DPP6: variants seen among roughly 807,000 people sequenced by gnomAD.
The protein encoded by DPP6 is dipeptidyl peptidase like 6.
Under a neutral mutation model 122.6 loss-of-function variants are expected in DPP6, and 69 were observed. The observed-to-expected ratio is 0.56, with a 90% CI of 0.46 to 0.69. DPP6 has a LOEUF of 0.69. DPP6 is among the 30% of genes least tolerant of loss of function. DPP6 has a pLI of 0.00. For synonymous variants in DPP6, 418 were observed against 433.1 expected, an observed-to-expected ratio of 0.97 and a Z score of 0.43; for missense variants, 928 against 1,116.9, an observed-to-expected ratio of 0.83 and a Z score of 2.41.
intron 4 of DPP6, among the ~76,000 whole-genome samples, chr7:154,548,247 G>T (rs571296110): frequency 6.6e-6 from 1 of 150,576 alleles, no homozygotes; most frequent in African/African-American, 2.4e-5. Context: ...CAGTAGATGA[G>T]TATTTATACT....
intron 1 of DPP6, among the ~76,000 whole-genome samples, chr7:154,195,998 A>T (rs555471926): frequency 6.6e-6 from 1 of 152,078 alleles, no homozygotes; most frequent in East Asian, 1.9e-4. Flanking sequence ...CACCTCATGT[A>T]CTCCTGTTGG....
chr7:154,733,077 G>A lies in DPP6; in HGVS notation c.883+5190G>A, dbSNP rs116723721. Among the ~76,000 whole-genome samples, 1,094 of 152,268 alleles carry A rather than the reference G, an allele frequency of 7.2e-3. 13 individuals carry two copies. The highest frequency in any genetic ancestry group is 0.025 in the African/African-American group (1,029 of 41,544). On this transcript the variant is annotated intron_variant, in intron 8 of 25. Coordinates refer to ENST00000377770, the MANE Select transcript of DPP6 (RefSeq NM_130797.4). ...TCACAGCCCTTGCCACAGTCCCCAC[G>A]GAGCCACCGTCCTGGTTCCACCTAC...
chr7:154,518,361 A>G (rs147268565), intron 3 of DPP6, among the ~76,000 whole-genome samples: 2 of 152,364 alleles, frequency 1.3e-5, no homozygotes, highest in African/African-American at 4.8e-5. Context: ...AGTAAAACTT[A>G]TATCCATTAA....
the DPP6 span, among the ~76,000 whole-genome samples, chr7:153,776,198 T>C: frequency 6.6e-6 from 1 of 152,082 alleles, no homozygotes; most frequent in Admixed American, 6.6e-5. Context: ...CATGGTGTGG[T>C]ATTGCCAAAG....
intron 1 of DPP6, among the ~76,000 whole-genome samples, chr7:153,908,945 G>T (rs1195907649): frequency 6.6e-6 from 1 of 151,924 alleles, no homozygotes; most frequent in East Asian, 1.9e-4. Context: ...GTAGAGATGG[G>T]GTTTCACTAT....
chr7:153,754,323 A>T, the DPP6 span, among the ~76,000 whole-genome samples: 1 of 152,184 alleles, frequency 6.6e-6, no homozygotes, highest in African/African-American at 2.4e-5. Flanking sequence ...CTGGATGTAA[A>T]ATTCTGAGTT....
chr7:154,646,035 A>AAAAAAAAAAG (rs1836453058), intron 6 of DPP6, among the ~76,000 whole-genome samples: 1 of 150,258 alleles, frequency 6.7e-6, no homozygotes, highest in African/African-American at 2.4e-5. Context: ...CTCAAAAAAA[A>AAAAAAAAAAG]AAAAAAAAAA....
At chr7:154,658,826 G>C (rs949265748) in intron 6 of DPP6, among the ~76,000 whole-genome samples, 6 of 152,242 alleles carry the variant, frequency 3.9e-5, no homozygotes, top group African/African-American at 1.4e-4. Flanking sequence ...TGATGGGAAT[G>C]GTTAGTGGTC....
intron 3 of DPP6, among the ~76,000 whole-genome samples, chr7:154,521,134 G>A (rs1563797661): frequency 6.6e-6 from 1 of 152,114 alleles, no homozygotes; most frequent in Non-Finnish European, 1.5e-5. Flanking sequence ...CCTTAACAAT[G>A]TGTATATGCG....
intron 1 of DPP6, among the ~76,000 whole-genome samples, chr7:153,914,531 GTTA>G (rs912710314): frequency 8.1e-4 from 124 of 152,212 alleles, no homozygotes; most frequent in African/African-American, 2.6e-3. Context: ...GCTTTATTGA[GTTA>G]TTGTTTGCAT....
intron 1 of DPP6, among the ~76,000 whole-genome samples, chr7:154,353,880 T>C (rs1811070357): frequency 6.6e-6 from 1 of 152,228 alleles, no homozygotes; most frequent in Non-Finnish European, 1.5e-5. Flanking sequence ...AATCATCTTC[T>C]TTTAGAAAAT....
intron 1 of DPP6, among the ~76,000 whole-genome samples, chr7:154,387,527 A>G (rs4140784): frequency 0.7 from 106,528 of 152,174 alleles, 38,484 homozygotes; most frequent in South Asian, 0.8. Context: ...TGGACATAGC[A>G]TCTCCAGGAG....
intron 12 of DPP6, among the ~76,000 whole-genome samples, chr7:154,800,721 G>A (rs1024094135): frequency 9.2e-5 from 14 of 152,140 alleles, no homozygotes; most frequent in South Asian, 2.1e-4. Flanking sequence ...GAGGTGGAGC[G>A]TGTCCCTGGG....
At chr7:153,968,715 C>A (rs1429856926) in intron 1 of DPP6, 1 of 151,718 alleles carries the variant, frequency 6.6e-6, no homozygotes, top group African/African-American at 2.4e-5. Context: ...ACTTCCATTG[C>A]TAAGCCCACT....
chr7:153,808,584 C>T, the DPP6 span, among the ~76,000 whole-genome samples: 22 of 152,006 alleles, frequency 1.4e-4, no homozygotes, highest in Non-Finnish European at 2.4e-4. Flanking sequence ...CCAAGATCAC[C>T]CGTCCTCAAC....
At chr7:153,875,379 A>G in the DPP6 span, among the ~76,000 whole-genome samples, 3 of 152,194 alleles carry the variant, frequency 2.0e-5, no homozygotes, top group Non-Finnish European at 2.9e-5. Flanking sequence ...GCAAAAAAAC[A>G]TAATCACAGA....
At chr7:154,878,157 C>T (rs2150662509) in intron 20 of DPP6, among the ~76,000 whole-genome samples, 1 of 152,344 alleles carries the variant, frequency 6.6e-6, no homozygotes, top group African/African-American at 2.4e-5. Context: ...GCCTCCCCGC[C>T]ATCAAGGGCA....
chr7:154,060,589 G>A (rs1585268644), intron 1 of DPP6, among the ~76,000 whole-genome samples: 2 of 131,808 alleles, frequency 1.5e-5, no homozygotes, highest in African/African-American at 6.0e-5. Flanking sequence ...GGATTACTGA[G>A]AGCCAGTCCC....
intron 4 of DPP6, among the ~76,000 whole-genome samples, chr7:154,549,748 G>A (rs750862788): frequency 2.0e-5 from 3 of 152,022 alleles, no homozygotes; most frequent in South Asian, 2.1e-4. Context: ...CCTTATCATC[G>A]CATGTGGGCC....
Sources: gnomAD v4.1 joint callset for allele counts (sites outside exome capture counted in the v4.1 genomes callset) on GRCh38, gnomAD v4.1.1 for gene constraint, MANE v1.5 for transcripts, NCBI Gene and HGNC (gene_info 2026-07-23, HGNC 2026-07-21) for gene names.